TRIM8: variants seen among roughly 807,000 people sequenced by gnomAD.
TRIM8 encodes tripartite motif containing 8, also known as E3 ubiquitin-protein ligase TRIM8.
In TRIM8, 9 loss-of-function variants were observed where a neutral mutation model predicts 55.7. The ratio of observed to expected loss-of-function variants is 0.16; its 90% CI spans 0.10 to 0.28. The LOEUF (loss-of-function observed/expected upper bound fraction) is 0.28. Ranked by LOEUF, TRIM8 falls within the 10% of genes least tolerant of loss-of-function variation. The pLI is 1.00. For synonymous variants in TRIM8, 335 were observed against 333.3 expected (o/e 1.01, Z -0.06); for missense variants, 556 against 736.4 (o/e 0.76, Z 2.83).
chr10:102,646,660 C>A (rs185409812), intron 1 of TRIM8, among the ~76,000 whole-genome samples: 2 of 152,296 alleles, frequency 1.3e-5, no homozygotes, highest in South Asian at 2.1e-4. Context: ...TCCTCCACCC[C>A]CTGTGTCCTC....
chr10:102,657,393 C>G lies in TRIM8; in HGVS notation c.*39C>G. 1 of 1,522,980 alleles carries G rather than the reference C, an allele frequency of 6.6e-7. No individual in the cohort carries two copies. The highest frequency in any genetic ancestry group is 8.8e-7 in the Non-Finnish European group (1 of 1,134,648). 94.3% of individuals were successfully genotyped at this position (1,522,980 alleles called of 1,614,324 possible). On this transcript the variant is annotated 3_prime_UTR_variant, in exon 6 of 6. Coordinates refer to ENST00000643721, the MANE Select transcript of TRIM8 (RefSeq NM_030912.3). ...GCGGGGCGCTGGGGAATCTTCCTCC[C>G]CAGCCCCCGGGCTCGGGAGTTATGC...
In TRIM8 at chr10:102,646,791, G is replaced by A. The variant is rs117790036; in HGVS notation, c.570+1604G>A. On this transcript the variant is annotated intron_variant, in intron 1 of 5. Transcript: ENST00000643721. ...AAAAGTGCAGAGGCAGGAGAAAGGA[G>A]GGCTGTCCAGTTCTGTCCTGGGATT... 5.6e-4 allele frequency among the ~76,000 whole-genome samples: 85 copies of A among 152,304 alleles called. No homozygotes were observed. The East Asian group carries it at 0.015, about 28-fold the overall frequency.
At position 102,654,740 on chromosome 10, in the gene TRIM8, C is replaced by T; in HGVS notation, c.658C>T (p.Leu220=). 6.2e-7 allele frequency: 1 copy of T among 1,613,924 alleles called. No individual in the cohort carries two copies. The highest frequency in any genetic ancestry group is 8.5e-7 in the Non-Finnish European group (1 of 1,179,756). The change falls in exon 2 of 6, where the codon CTG becomes TTG. Residue 220 remains leucine, a synonymous_variant. Transcript: ENST00000643721. The part of the protein sequence containing the change: ...QLYKLESDKR[L]VEEKVNQLKE... ...GTACAAACTCGAGTCAGACAAGCGC[C>T]TGGTGGAGGTAGCTAAGCCCAAGGC...
chr10:102,647,688 G>A (rs1007625380), intron 1 of TRIM8, among the ~76,000 whole-genome samples: 1 of 152,166 alleles, frequency 6.6e-6, no homozygotes, highest in African/African-American at 2.4e-5. Context: ...TGTTGTGGGC[G>A]AGGGCCACAG....
Position 102,657,635 on chromosome 10 carries a change from T to C in TRIM8, c.*281T>C, listed in dbSNP as rs1022109640. On this transcript the variant is annotated 3_prime_UTR_variant, in exon 6 of 6. Transcript: ENST00000643721. Reference sequence around the variant, plus strand: ...AAGTGTCTGTGTCGAGGCGCTGAGCTCTCTCTCTGTTTCTCCTTTTTTCCT... The same window carrying C: ...AAGTGTCTGTGTCGAGGCGCTGAGCCCTCTCTCTGTTTCTCCTTTTTTCCT... The C allele has an allele frequency of 1.4e-5, 5 of 347,664 alleles. No individual in the cohort carries two copies. The highest frequency in any genetic ancestry group is 2.6e-5 in the Non-Finnish European group (5 of 191,886). 21.5% of individuals were successfully genotyped at this position (347,664 alleles called of 1,614,324 possible).
Position 102,657,389 on chromosome 10 carries a change from C to A in TRIM8, c.*35C>A. On this transcript the variant is annotated 3_prime_UTR_variant, in exon 6 of 6. Transcript: ENST00000643721. ...GGCGGCGGGGCGCTGGGGAATCTTC[C>A]TCCCCAGCCCCCGGGCTCGGGAGTT... The A allele has an allele frequency of 6.6e-7, 1 of 1,523,668 alleles. No homozygotes were observed. Among genetic ancestry groups the A allele is most frequent in the South Asian group, 1.3e-5 (1 of 76,948 alleles). The allele number at this position is 1,523,668 out of a possible 1,614,324, so 94.4% of individuals were successfully genotyped here.
chr10:102,655,853 TCTC>T (rs2064019203), intron 3 of TRIM8, among the ~76,000 whole-genome samples: 1 of 152,182 alleles, frequency 6.6e-6, no homozygotes, highest in African/African-American at 2.4e-5. Flanking sequence ...GCAGAGCCCT[TCTC>T]CTCGGGTATG....
In TRIM8 at chr10:102,650,602, G is replaced by A. The variant is rs1047770866; in HGVS notation, c.571-4051G>A. 3.3e-5 allele frequency among the ~76,000 whole-genome samples: 5 copies of A among 152,308 alleles called. No homozygotes were observed. The East Asian group carries it at 7.7e-4, about 24-fold the overall frequency. On this transcript the variant is annotated intron_variant, in intron 1 of 5. Coordinates refer to ENST00000643721, the MANE Select transcript of TRIM8 (RefSeq NM_030912.3). ...TCTGCTCCTGCATGCTCCAGTGTAC[G>A]CAGTCCAGGCCATGCACTGCTGTGG... is the stretch of plus-strand genomic sequence containing the variant.
chr10:102,655,187 G>T lies in TRIM8; in HGVS notation c.774G>T (p.Gln258His). Residue 258 changes from glutamine to histidine, a missense_variant, in exon 3 of 6, where the codon CAG becomes CAT. Gln to His is a conservative substitution (Grantham distance 24). Coordinates refer to ENST00000643721, the MANE Select transcript of TRIM8 (RefSeq NM_030912.3). ...CAGTGGAGGTCCTAGACAAGGCCCAGGCCAAGTTCTGCAGCGAGAACGCAG... is the reference window on the plus strand; with the variant it reads ...CAGTGGAGGTCCTAGACAAGGCCCATGCCAAGTTCTGCAGCGAGAACGCAG... ...RQTVEVLDKA[Q>H]AKFCSENAAQ... 6.2e-7 allele frequency: 1 copy of T among 1,609,786 alleles called. No individual in the cohort carries two copies. Among genetic ancestry groups the T allele is most frequent in the Non-Finnish European group, 8.5e-7 (1 of 1,178,780 alleles).
intron 1 of TRIM8, among the ~76,000 whole-genome samples, chr10:102,651,102 C>T (rs1352830329): frequency 6.6e-6 from 1 of 152,194 alleles, no homozygotes; most frequent in Admixed American, 6.5e-5. Flanking sequence ...GGCCAGCCTC[C>T]TTCCTCTTCC....
rs527862605 is a variant in TRIM8 at position 102,657,637 on chromosome 10, T to G, written c.*283T>G. The G allele has an allele frequency of 6.0e-6, 2 of 332,558 alleles. No individual in the cohort carries two copies. The highest frequency in any genetic ancestry group is 1.1e-5 in the Non-Finnish European group (2 of 182,330). 20.6% of individuals were successfully genotyped at this position (332,558 alleles called of 1,614,324 possible). ...GTGTCTGTGTCGAGGCGCTGAGCTC[T>G]CTCTCTGTTTCTCCTTTTTTCCTCT... On this transcript the variant is annotated 3_prime_UTR_variant, in exon 6 of 6. Coordinates refer to ENST00000643721, the MANE Select transcript of TRIM8 (RefSeq NM_030912.3).
chr10:102,650,341 T>G (rs2063974413), intron 1 of TRIM8, among the ~76,000 whole-genome samples: 1 of 150,778 alleles, frequency 6.6e-6, no homozygotes. Flanking sequence ...GGGAGGGGAG[T>G]CAGAGGAAGC....
Position 102,644,927 on chromosome 10 carries a change from CAGA to C in TRIM8, c.313_315del (p.Lys105del). 6.2e-7 allele frequency: 1 copy of C among 1,604,358 alleles called. No individual in the cohort carries two copies. The highest frequency in any genetic ancestry group is 8.5e-7 in the Non-Finnish European group (1 of 1,175,852). ...CCGCCGCGGCCCCCCGCTGCCCGCG[CAGA>C]AGGTCTGCCTGCGCTGCGAGGCGCC... On this transcript the variant is annotated inframe_deletion, in exon 1 of 6. Transcript: ENST00000643721.
intron 1 of TRIM8, among the ~76,000 whole-genome samples, chr10:102,648,886 G>T (rs558532300): frequency 6.6e-6 from 1 of 152,304 alleles, no homozygotes; most frequent in South Asian, 2.1e-4. Flanking sequence ...TTTCTCCGTT[G>T]CCCGTGAAAG....
rs1192677128 is a variant in TRIM8, at chr10:102,658,087, GAAAT to G, written c.*737_*740del. On this transcript the variant is annotated 3_prime_UTR_variant, in exon 6 of 6. Transcript: ENST00000643721. The stretch of plus-strand genomic sequence containing the variant: ...ATAATAATATTAATAATAATAAAGA[GAAAT>G]AAAATAATAAAATAAAAAACAATAG... 2 of 151,956 alleles carry G rather than the reference GAAAT, an allele frequency of 1.3e-5. No individual in the cohort carries two copies. Among genetic ancestry groups the G allele is most frequent in the Admixed American group, 6.6e-5 (1 of 15,240 alleles). 9.4% of individuals were successfully genotyped at this position (151,956 alleles called of 1,614,324 possible).
At chr10:102,649,627 G>T (rs764261759) in intron 1 of TRIM8, among the ~76,000 whole-genome samples, 13 of 152,206 alleles carry the variant, frequency 8.5e-5, no homozygotes, top group Non-Finnish European at 1.6e-4. Context: ...GCTGCTCTCT[G>T]CATGGCAAAA....
chr10:102,648,741 C>T (rs1159305219), intron 1 of TRIM8, among the ~76,000 whole-genome samples: 1 of 152,164 alleles, frequency 6.6e-6, no homozygotes, highest in Admixed American at 6.5e-5. Context: ...TCACTGCTCC[C>T]TCTCCCTACA....
At chr10:102,645,396 C>T (rs2135974358) in intron 1 of TRIM8, 2 of 525,916 alleles carry the variant, frequency 3.8e-6, no homozygotes, top group South Asian at 2.9e-5. Context: ...CGCACCTGTG[C>T]GCACAGGGTC....
intron 1 of TRIM8, chr10:102,654,086 A>G (rs1013847662): frequency 6.5e-6 from 1 of 153,286 alleles, no homozygotes; most frequent in Non-Finnish European, 1.5e-5. Context: ...CTGTACAGGA[A>G]AAGTGTTTAG....
Sources: gnomAD v4.1 joint callset for allele counts (sites outside exome capture counted in the v4.1 genomes callset) on GRCh38, gnomAD v4.1.1 for gene constraint, MANE v1.5 for transcripts, NCBI Gene and HGNC (gene_info 2026-07-23, HGNC 2026-07-21) for gene names.